The following TGM4 variants were observed in gnomAD, a reference collection of about 807,000 sequenced individuals.
TGM4 encodes the protein protein-glutamine gamma-glutamyltransferase 4.
TGM4 carries 61 observed loss-of-function variants against 76.3 expected under a neutral mutation model. The ratio of observed to expected loss-of-function variants is 0.80; its 90% CI spans 0.65 to 0.99. The LOEUF is 0.99. Among genes scored for constraint, TGM4 ranks in the 50% least tolerant of loss-of-function variants. TGM4 has a pLI of 0.00. For synonymous variants in TGM4, 337 were observed against 329.8 expected, an observed-to-expected ratio of 1.02 and a Z score of -0.24; for missense variants, 794 against 843.2, an observed-to-expected ratio of 0.94 and a Z score of 0.72.
intron 1 of TGM4, among the ~76,000 whole-genome samples, chr3:44,877,739 C>T (rs938846249): frequency 1.3e-5 from 2 of 152,066 alleles, no homozygotes; most frequent in African/African-American, 2.4e-5. Context: ...CTGGTGCAGT[C>T]GCTAGAAGGC....
intron 5 of TGM4, among the ~76,000 whole-genome samples, chr3:44,895,469 A>G (rs1410371394): frequency 1.3e-5 from 2 of 152,102 alleles, no homozygotes; most frequent in Admixed American, 1.3e-4. Flanking sequence ...TCTATAAAAA[A>G]TAAACAAATT....
rs1170544574 is a variant in TGM4 at position 44,911,359 on chromosome 3, C to T, written c.1866C>T (p.Phe622=). Residue 622 remains phenylalanine, a synonymous_variant, in exon 13 of 14, where the codon TTC becomes TTT. Coordinates refer to ENST00000296125, the MANE Select transcript of TGM4 (RefSeq NM_003241.4). ...TLAIPLTDVK[F]SLESLGISSL... The stretch of plus-strand genomic sequence containing the variant: ...CCATCCCTTTGACTGACGTCAAGTT[C>T]TCTTTGGAAAGCCTGGGCATCTCCT... The T allele has an allele frequency of 6.2e-7, 1 of 1,614,258 alleles. No individual in the cohort carries two copies. Among genetic ancestry groups the T allele is most frequent in the South Asian group, 1.1e-5 (1 of 91,088 alleles).
chr3:44,875,208 C>T (rs2125744593), intron 1 of TGM4, among the ~76,000 whole-genome samples: 1 of 152,322 alleles, frequency 6.6e-6, no homozygotes, highest in African/African-American at 2.4e-5. Context: ...CATCAACTGT[C>T]CCAATAATGT....
In TGM4 at chr3:44,903,893, T is replaced by C. The variant is rs954835970; in HGVS notation, c.981T>C (p.His327=). ...SMTHDSVWNF[H]VWTDAWMKRP... ...TCCCAATTTGCGGCAGGAATTTCCATGTGTGGACGGATGCCTGGATGAAGC... is the reference window on the plus strand; with the variant it reads ...TCCCAATTTGCGGCAGGAATTTCCACGTGTGGACGGATGCCTGGATGAAGC... The change falls in exon 9 of 14, where the codon CAT becomes CAC. Residue 327 remains histidine, a synonymous_variant. Transcript: ENST00000296125. 7 of 1,614,048 alleles carry C rather than the reference T, an allele frequency of 4.3e-6. No homozygotes were observed. Among genetic ancestry groups the C allele is most frequent in the Admixed American group, 1.7e-5 (1 of 60,012 alleles).
At chr3:44,911,244 C>T (rs776995415) in intron 12 of TGM4, 26 bp from the exon 13 acceptor site, 12 of 1,613,772 alleles carry the variant, frequency 7.4e-6, no homozygotes, top group Non-Finnish European at 1.0e-5. Flanking sequence ...CTTCTCTCCC[C>T]ATCTCTCCTC....
intron 11 of TGM4, 151 bp downstream of exon 11, chr3:44,910,519 G>T: frequency 1.9e-6 from 2 of 1,068,060 alleles, no homozygotes; most frequent in Non-Finnish European, 2.6e-6. Flanking sequence ...CCCCTTGGTA[G>T]TCACAAGAAA....
rs373658087 is a variant in TGM4 at position 44,912,429 on chromosome 3, G to T, written c.1913+1023G>T. ...GCTGTCAATTCCCATATATATCTGG[G>T]TCTCTGGACTCTTTAATTTGCTATT... On this transcript the variant is annotated intron_variant, in intron 13 of 13. Coordinates refer to ENST00000296125, the MANE Select transcript of TGM4 (RefSeq NM_003241.4). 1.3e-4 allele frequency among the ~76,000 whole-genome samples: 20 copies of T among 152,116 alleles called. No individual in the cohort carries two copies. The East Asian group carries it at 3.5e-3, about 26-fold the overall frequency.
In TGM4 at chr3:44,887,706, G is replaced by A. The variant is rs562192951; in HGVS notation, c.211G>A (p.Ala71Thr). 2.9e-5 allele frequency: 47 copies of A among 1,613,928 alleles called. No homozygotes were observed. In the East Asian group the frequency reaches 7.1e-4, roughly 24 times the overall value. The change falls in exon 3 of 14, where the codon GCC (alanine) becomes ACC (threonine). Residue 71 changes from alanine (A) to threonine (T), a missense_variant. Coordinates refer to ENST00000296125, the MANE Select transcript of TGM4 (RefSeq NM_003241.4). ...EFSTGPNPSI[A>T]KHTLVVLDPR... is the part of the protein sequence containing the mutation. ...GTCTCCAGGGCCGAATCCTAGCATC[G>A]CCAAACACACCCTGGTGGTGCTCGA...
At chr3:44,889,794 T>G (rs1017672581) in intron 3 of TGM4, among the ~76,000 whole-genome samples, 3 of 143,974 alleles carry the variant, frequency 2.1e-5, no homozygotes, top group African/African-American at 8.4e-5. Flanking sequence ...AGAAAGGTGT[T>G]TTTTTTTGCT....
chr3:44,911,063 A>G lies in TGM4; in HGVS notation c.1712A>G (p.Glu571Gly). 3.7e-6 allele frequency: 6 copies of G among 1,614,116 alleles called. No homozygotes were observed. Among genetic ancestry groups the G allele is most frequent in the African/African-American group, 1.3e-5 (1 of 75,020 alleles). The change falls in exon 12 of 14, where the codon GAG (glutamate) becomes GGG (glycine). Residue 571 changes from glutamate (E) to glycine (G), a missense_variant. Coordinates refer to ENST00000296125, the MANE Select transcript of TGM4 (RefSeq NM_003241.4). ...IRGFIIAEIV[E>G]SKEIMASEVF... ...GGTTTCATCATTGCGGAAATTGTGGAGTCTAAGGAAATCATGGCCTCTGAA... is the reference window on the plus strand; with the variant it reads ...GGTTTCATCATTGCGGAAATTGTGGGGTCTAAGGAAATCATGGCCTCTGAA...
chr3:44,911,817 A>G (rs1034503953), intron 13 of TGM4, among the ~76,000 whole-genome samples: 2 of 152,032 alleles, frequency 1.3e-5, no homozygotes, highest in African/African-American at 2.4e-5. Context: ...TTTGTATTCA[A>G]TTTTTTAAAT....
intron 11 of TGM4, among the ~76,000 whole-genome samples, chr3:44,910,654 A>C (rs907633366): frequency 3.3e-5 from 5 of 152,172 alleles, no homozygotes; most frequent in African/African-American, 4.8e-5. Context: ...AGAAATTTTA[A>C]TCTCAGATGC....
chr3:44,903,757 C>T (rs1287787741), intron 8 of TGM4, 127 bp from the exon 9 acceptor site: 5 of 869,962 alleles, frequency 5.7e-6, no homozygotes, highest in African/African-American at 3.3e-5. Flanking sequence ...GACAAAGGTT[C>T]CCAAACCCCT....
intron 9 of TGM4, among the ~76,000 whole-genome samples, chr3:44,904,917 C>T (rs1034512338): frequency 9.9e-5 from 15 of 151,994 alleles, no homozygotes; most frequent in African/African-American, 2.7e-4. Flanking sequence ...CCTGACCTCA[C>T]GTGCTCCACC....
At chr3:44,910,797 C>T (rs1575728691) in intron 11 of TGM4, among the ~76,000 whole-genome samples, 161 bp from the exon 12 acceptor site, 1 of 152,200 alleles carries the variant, frequency 6.6e-6, no homozygotes, top group East Asian at 1.9e-4. Context: ...ATTATTCCAT[C>T]TTGAGCCCAA....
At position 44,901,595 on chromosome 3, in the gene TGM4, A is replaced by G; in HGVS notation, c.729A>G (p.Pro243=). 2 of 1,614,142 alleles carry G rather than the reference A, an allele frequency of 1.2e-6. No homozygotes were observed. Among genetic ancestry groups the G allele is most frequent in the South Asian group, 1.1e-5 (1 of 91,060 alleles). The change falls in exon 7 of 14, where the codon CCA becomes CCG. Residue 243 remains proline, a synonymous_variant. Coordinates refer to ENST00000296125, the MANE Select transcript of TGM4 (RefSeq NM_003241.4). ...WTGDYEGGTA[P]YKWTGSAPIL... ...GGGACTACGAAGGTGGCACAGCCCC[A>G]TACAAGTGGACAGGCAGTGCCCCGA...
At chr3:44,885,195 G>A in intron 1 of TGM4, 130 bp from the exon 2 acceptor site, 1 of 882,428 alleles carries the variant, frequency 1.1e-6, no homozygotes, top group Non-Finnish European at 1.7e-6. Flanking sequence ...AGCTGGAGGT[G>A]GAGCAGGGAT....
At chr3:44,898,741 C>T (rs1260310485) in intron 6 of TGM4, among the ~76,000 whole-genome samples, 1 of 152,198 alleles carries the variant, frequency 6.6e-6, no homozygotes, top group African/African-American at 2.4e-5. Context: ...TGGTATGCCT[C>T]ATAAATGCTG....
chr3:44,893,523 T>C, intron 4 of TGM4, 54 bp from the exon 5 acceptor site: 2 of 1,510,506 alleles, frequency 1.3e-6, no homozygotes, highest in Non-Finnish European at 1.8e-6. Context: ...TTGGCAAGCC[T>C]GCTCCTGTCC....
Sources: gnomAD v4.1 joint callset for allele counts (sites outside exome capture counted in the v4.1 genomes callset) on GRCh38, gnomAD v4.1.1 for gene constraint, MANE v1.5 for transcripts, NCBI Gene and HGNC (gene_info 2026-07-23, HGNC 2026-07-21) for gene names.